DIDO1: variants seen among roughly 807,000 people sequenced by gnomAD.
The protein encoded by DIDO1 is death inducer-obliterator 1, also known as death-inducer obliterator 1.
In DIDO1, 16 loss-of-function variants were observed where a neutral mutation model predicts 99.4. That is an observed-to-expected ratio of 0.16 (90% CI 0.11 to 0.24). The LOEUF (loss-of-function observed/expected upper bound fraction) is 0.24. DIDO1 is among the 10% of genes least tolerant of loss of function. The pLI, the probability that DIDO1 is intolerant of heterozygous loss-of-function variation, is 1.00. For missense variants in DIDO1, 2,996 were observed against 3,014.0 expected (o/e 0.99, Z 0.14); for synonymous variants, 1,366 against 1,239.1 (o/e 1.10, Z -2.15).
In DIDO1 at chr20:62,879,727, C is replaced by A; in HGVS notation, c.6229G>T (p.Glu2077Ter). 2 of 1,611,722 alleles carry A rather than the reference C, an allele frequency of 1.2e-6. No individual in the cohort carries two copies. Among genetic ancestry groups the A allele is most frequent in the Non-Finnish European group, 1.7e-6 (2 of 1,179,814 alleles). The change falls in exon 16 of 16, where the codon GAA becomes TAA. Residue 2077 changes from glutamate (E) to a stop codon, truncating the protein, a stop_gained. Transcript: ENST00000395343. LOFTEE classifies it low-confidence loss of function (END_TRUNC). This position sits in a 1 kb window ranked among gnomAD's most constrained non-coding sequence, Gnocchi z 6.3. ...CCTTCGAAAGTCTGGTTTCTGTATT[C>A]GTGGCCTTTCCCCTCTCGGAAGTCG... ...SADFREGKGH[E>*]YRNQTFEGRQ...
rs746665020 is a variant in DIDO1, at chr20:62,910,999, G to A, written c.614C>T (p.Ala205Val). 1 of 1,613,966 alleles carries A rather than the reference G, an allele frequency of 6.2e-7. No homozygotes were observed. Among genetic ancestry groups the A allele is most frequent in the East Asian group, 2.2e-5 (1 of 44,860 alleles). ...EGPAETVGSE[A>V]SDTVEGVLPS... ...CAGGACGCCCTCCACAGTGTCACTG[G>A]CCTCGGAGCCCACAGTCTCGGCGGG... The change falls in exon 3 of 16, where the codon GCC (alanine) becomes GTC (valine). Residue 205 changes from alanine to valine, a missense_variant. Ala to Val is a moderately conservative substitution (Grantham distance 64). Coordinates refer to ENST00000395343, the MANE Select transcript of DIDO1 (RefSeq NM_001193369.2).
At chr20:62,921,214 G>T (rs1256476104) in intron 1 of DIDO1, among the ~76,000 whole-genome samples, 3 of 152,194 alleles carry the variant, frequency 2.0e-5, no homozygotes, top group Non-Finnish European at 4.4e-5. Context: ...ATTTTAAATA[G>T]AAGGCACTTC....
At chr20:62,924,281 G>GAC (rs1251521066) in intron 1 of DIDO1, among the ~76,000 whole-genome samples, 3 of 151,936 alleles carry the variant, frequency 2.0e-5, no homozygotes, top group African/African-American at 7.3e-5. Flanking sequence ...GCCTGCCAGA[G>GAC]AGATGAGACC....
rs2064179112 is a variant in DIDO1 at position 62,880,388 on chromosome 20, C to T, written c.5568G>A (p.Gln1856=). 1 of 1,612,746 alleles carries T rather than the reference C, an allele frequency of 6.2e-7. No individual in the cohort carries two copies. Among genetic ancestry groups the T allele is most frequent in the Non-Finnish European group, 8.5e-7 (1 of 1,180,016 alleles). The stretch of plus-strand genomic sequence containing the variant: ...CCGTCACCTCGTTATACGGGGCGTC[C>T]TGGAACTCCCTCTTCTCCCCATGGG... ...KDPHGEKREF[Q]DAPYNEVTGA... Residue 1856 remains glutamine (Q), a synonymous_variant, in exon 16 of 16, where the codon CAG becomes CAA. Transcript: ENST00000395343.
Position 62,911,021 on chromosome 20 carries a change from C to G in DIDO1, c.592G>C (p.Ala198Pro). The G allele has an allele frequency of 6.2e-7, 1 of 1,613,926 alleles. No homozygotes were observed. The highest frequency in any genetic ancestry group is 8.5e-7 in the Non-Finnish European group (1 of 1,180,028). The change falls in exon 3 of 16, where the codon GCC (alanine) becomes CCC (proline). Residue 198 changes from alanine (A) to proline (P), a missense_variant. This residue lies in a region of DIDO1 where 388 missense variants were observed against 376.6 expected (regional missense o/e 1.03). Transcript: ENST00000395343. The surrounding 1 kb of genome is among the most constrained non-coding windows in gnomAD (Gnocchi z 7.0). Reference sequence around the variant, plus strand: ...CTGGCCTCGGAGCCCACAGTCTCGGCGGGACCCTCCTCCCGGCGCTTCTTC... The same window carrying G: ...CTGGCCTCGGAGCCCACAGTCTCGGGGGGACCCTCCTCCCGGCGCTTCTTC... ...LRKKRREEGP[A>P]ETVGSEASDT... is the part of the protein sequence containing the mutation.
chr20:62,937,686 G>A (rs1027856984), intron 1 of DIDO1: 22 of 374,036 alleles, frequency 5.9e-5, no homozygotes, highest in East Asian at 5.1e-4. Context: ...GAAGGCCGCC[G>A]GTCGGGAGGG....
At chr20:62,893,299 G>A (rs1652570263) in intron 12 of DIDO1, among the ~76,000 whole-genome samples, 1 of 152,162 alleles carries the variant, frequency 6.6e-6, no homozygotes, top group Non-Finnish European at 1.5e-5. Flanking sequence ...CACTGTGCCC[G>A]GCTTCAAGAG....
intron 1 of DIDO1, among the ~76,000 whole-genome samples, chr20:62,924,037 G>T (rs953024620): frequency 6.6e-6 from 1 of 152,314 alleles, no homozygotes; most frequent in South Asian, 2.1e-4. Context: ...AGATGACTGT[G>T]TACACGTACA....
chr20:62,936,499 G>A (rs1290808963), intron 1 of DIDO1, among the ~76,000 whole-genome samples: 1 of 151,330 alleles, frequency 6.6e-6, no homozygotes, highest in Admixed American at 6.6e-5. Context: ...AGGTTGCAGT[G>A]AGTCGAGATC....
chr20:62,928,527 G>A (rs897924192), upstream of DIDO1: 1 of 152,168 alleles, frequency 6.6e-6, no homozygotes, highest in Non-Finnish European at 1.5e-5. Flanking sequence ...CTTACCTGCC[G>A]TCACTATTCC....
At chr20:62,929,710 T>TATATATATATATATATAC (rs2065309713), upstream of DIDO1, among the ~76,000 whole-genome samples, 1 of 134,070 alleles carries the variant, frequency 7.5e-6, no homozygotes, top group African/African-American at 3.1e-5. Flanking sequence ...TATATATATA[T>TATATATATATATATATAC]ATGCCTACTG....
chr20:62,922,059 T>TAC (rs1357205020), intron 1 of DIDO1, among the ~76,000 whole-genome samples: 2 of 145,426 alleles, frequency 1.4e-5, no homozygotes, highest in Admixed American at 7.0e-5. Flanking sequence ...AATATATATA[T>TAC]ACACACACTA....
Position 62,892,829 on chromosome 20 carries a change from A to T in DIDO1, c.3235T>A (p.Cys1079Ser). Residue 1079 changes from cysteine (C) to serine (S), a missense_variant, in exon 13 of 16, where the codon TGT becomes AGT. By Grantham distance (112) the Cys-to-Ser change is moderately radical (BLOSUM62 -1). Coordinates refer to ENST00000395343, the MANE Select transcript of DIDO1 (RefSeq NM_001193369.2). ...CTAACCTCACTGAGGTAATCAAAAC[A>T]CCCAGAGACAGGATACGCCTTAGTG... Reference protein sequence around the residue: ...FVTKAYPVSGCFDYLSEDLPD... With the variant: ...FVTKAYPVSGSFDYLSEDLPD... 6.2e-7 allele frequency: 1 copy of T among 1,613,546 alleles called. No homozygotes were observed. The highest frequency in any genetic ancestry group is 8.5e-7 in the Non-Finnish European group (1 of 1,179,642).
At chr20:62,905,348 A>C in intron 6 of DIDO1, 1 of 1,438,052 alleles carries the variant, frequency 7.0e-7, no homozygotes, top group South Asian at 1.5e-5. Context: ...GGAAAAAAAA[A>C]AATCCCCTAT....
At chr20:62,920,499 C>T (rs1234796749) in intron 1 of DIDO1, among the ~76,000 whole-genome samples, 3 of 152,204 alleles carry the variant, frequency 2.0e-5, no homozygotes, top group Non-Finnish European at 4.4e-5. Flanking sequence ...ACACTTGCCC[C>T]AAGGGGCAAG....
At chr20:62,891,344 C>T (rs993642518) in intron 14 of DIDO1, among the ~76,000 whole-genome samples, 189 bp from the exon 15 acceptor site, 6 of 152,162 alleles carry the variant, frequency 3.9e-5, no homozygotes, top group Admixed American at 1.3e-4. Context: ...GGAGCCGAGC[C>T]GGCTCTTCCT....
Position 62,911,197 on chromosome 20 carries a change from G to A in DIDO1, c.416C>T (p.Ser139Phe). 6.2e-7 allele frequency: 1 copy of A among 1,613,852 alleles called. No homozygotes were observed. Among genetic ancestry groups the A allele is most frequent in the Non-Finnish European group, 8.5e-7 (1 of 1,180,028 alleles). ...GTCATCCCCTCCTTTCACCTTTTCA[G>A]AAGAGGCTGGTCGTTCCTTCACAGC... The part of the protein sequence containing the change: ...STAVKERPAS[S>F]EKVKGGDDHD... The change falls in exon 3 of 16, where the codon TCT becomes TTT. Residue 139 changes from serine to phenylalanine, a missense_variant. By Grantham distance (155) the Ser-to-Phe change is radical (BLOSUM62 -2). Coordinates refer to ENST00000395343, the MANE Select transcript of DIDO1 (RefSeq NM_001193369.2). The surrounding 1 kb of genome is among the most constrained non-coding windows in gnomAD (Gnocchi z 7.0).
At position 62,911,811 on chromosome 20, in the gene DIDO1, G is replaced by A. The variant is rs771665299; in HGVS notation, c.-2-197C>T. 9.9e-5 allele frequency among the ~76,000 whole-genome samples: 15 copies of A among 152,198 alleles called. No homozygotes were observed. Among genetic ancestry groups the A allele is most frequent in the Non-Finnish European group, 1.6e-4 (11 of 68,028 alleles). ...GATTTGTAAAGATAATTTTAATATAGTTAAACAACTAACGTTTAGACAAAA... is the reference window on the plus strand; with the variant it reads ...GATTTGTAAAGATAATTTTAATATAATTAAACAACTAACGTTTAGACAAAA... On this transcript the variant is annotated intron_variant, in intron 2 of 15. Transcript: ENST00000395343. The surrounding 1 kb of genome is among the most constrained non-coding windows in gnomAD (Gnocchi z 7.0).
chr20:62,887,653 C>G (rs543702580), intron 15 of DIDO1: 2 of 985,472 alleles, frequency 2.0e-6, no homozygotes, highest in South Asian at 9.4e-5. Context: ...GGTTAACAGG[C>G]AGGCATCTTG....
Sources: gnomAD v4.1 joint callset for allele counts (sites outside exome capture counted in the v4.1 genomes callset) on GRCh38, gnomAD v4.1.1 for gene constraint, gnomAD v4.1.1 regional missense constraint, Gnocchi (gnomAD v3.1) non-coding constraint, MANE v1.5 for transcripts, NCBI Gene and HGNC (gene_info 2026-07-23, HGNC 2026-07-21) for gene names.